ZMYM4: variants seen among roughly 807,000 people sequenced by gnomAD.
The protein encoded by ZMYM4 is zinc finger MYM-type containing 4, also known as zinc finger MYM-type protein 4.
In ZMYM4, 31 loss-of-function variants were observed where a neutral mutation model predicts 183.2. The ratio of observed to expected loss-of-function variants is 0.17; its 90% CI spans 0.13 to 0.23. The LOEUF is 0.23. Among genes scored for constraint, ZMYM4 ranks in the 10% least tolerant of loss-of-function variants. The pLI is 1.00. For synonymous variants in ZMYM4, 592 were observed against 631.2 expected, an observed-to-expected ratio of 0.94 and a Z score of 0.93; for missense variants, 1,273 against 1,840.3, an observed-to-expected ratio of 0.69 and a Z score of 5.64.
chr1:35,388,138 C>T (rs925651647), intron 13 of ZMYM4, among the ~76,000 whole-genome samples: 1 of 152,084 alleles, frequency 6.6e-6, no homozygotes, highest in African/African-American at 2.4e-5. Context: ...TTGATAACAC[C>T]AAAGAAGAAA....
intron 26 of ZMYM4, 78 bp from the exon 27 acceptor site, chr1:35,413,894 G>C (rs1039492788): frequency 7.0e-5 from 60 of 852,290 alleles, no homozygotes; most frequent in Non-Finnish European, 9.8e-5. Context: ...AGGGTAAACT[G>C]TATTTCTTAC....
At chr1:35,386,494 C>T (rs1644581174) in intron 11 of ZMYM4, among the ~76,000 whole-genome samples, 1 of 152,122 alleles carries the variant, frequency 6.6e-6, no homozygotes, top group South Asian at 2.1e-4. Flanking sequence ...ATCACCAGAA[C>T]AGCAGGGGAG....
At chr1:35,380,140 G>A (rs185093707) in intron 7 of ZMYM4, among the ~76,000 whole-genome samples, 33 of 152,196 alleles carry the variant, frequency 2.2e-4, no homozygotes, top group Admixed American at 1.4e-3. Context: ...ATAAAACAAG[G>A]TATGCCTATA....
At chr1:35,304,187 G>C (rs188607284) in intron 1 of ZMYM4, among the ~76,000 whole-genome samples, 106 of 152,128 alleles carry the variant, frequency 7.0e-4, no homozygotes, top group African/African-American at 2.1e-3. Context: ...AGCACACTCG[G>C]CTAATTTTTT....
chr1:35,312,321 AGTCT>A (rs2148785964), intron 1 of ZMYM4, among the ~76,000 whole-genome samples: 1 of 152,254 alleles, frequency 6.6e-6, no homozygotes, highest in South Asian at 2.1e-4. Context: ...TCTGCTCTGC[AGTCT>A]TTCTCCTCTG....
rs556692706 is a variant in ZMYM4, at chr1:35,321,558, T to C, written c.40-3802T>C. Among the ~76,000 whole-genome samples, 3 of 151,528 alleles carry C rather than the reference T, an allele frequency of 2.0e-5. No homozygotes were observed. In the South Asian group the frequency reaches 6.3e-4, roughly 32 times the overall value. The stretch of plus-strand genomic sequence containing the variant: ...GGAGAGTCTTATATATCCACAGAAG[T>C]TTGGACATTTTTCTTGGGAGACTTT... On this transcript the variant is annotated intron_variant, in intron 1 of 29. Transcript: ENST00000314607.
intron 1 of ZMYM4, among the ~76,000 whole-genome samples, chr1:35,279,232 C>G (rs2148679984): frequency 6.6e-6 from 1 of 152,284 alleles, no homozygotes; most frequent in African/African-American, 2.4e-5. Flanking sequence ...CTATAAAATC[C>G]CAGAAGTAAG....
intron 13 of ZMYM4, among the ~76,000 whole-genome samples, chr1:35,388,497 G>A (rs1210055890): frequency 6.6e-6 from 1 of 151,290 alleles, no homozygotes; most frequent in Non-Finnish European, 1.5e-5. Context: ...GAGCCACTAC[G>A]CCCAGCCCCA....
chr1:35,302,200 C>CTTTTTTTTTTTT lies in ZMYM4; in HGVS notation c.40-23146_40-23135dup, dbSNP rs576277396. ...ATCCACAAGCTAAAAACGGCTCTTG[C>CTTTTTTTTTTTT]TTTTTTTTTTTTTTTTTTTTTTTTT... On this transcript the variant is annotated intron_variant, in intron 1 of 29. Transcript: ENST00000314607. Among the ~76,000 whole-genome samples, 20 of 58,548 alleles carry CTTTTTTTTTTTT rather than the reference C, an allele frequency of 3.4e-4. 1 individual carries two copies. Among genetic ancestry groups the CTTTTTTTTTTTT allele is most frequent in the African/African-American group, 1.2e-3 (19 of 15,522 alleles). The allele number at this position is 58,548 out of a possible 152,430, so 38.4% of individuals were successfully genotyped here. A position where few individuals can be genotyped will look rare whatever the true frequency, so the allele number is the denominator to read the frequency against.
At chr1:35,325,235 T>G in intron 1 of ZMYM4, 125 bp from the exon 2 acceptor site, 1 of 770,430 alleles carries the variant, frequency 1.3e-6, no homozygotes. Flanking sequence ...ATGTTTTTGT[T>G]TATATTGTGC....
intron 8 of ZMYM4, 38 bp from the exon 9 acceptor site, chr1:35,381,508 T>C (rs766226734): frequency 6.2e-7 from 1 of 1,613,318 alleles, no homozygotes; most frequent in Non-Finnish European, 8.5e-7. Context: ...TGATGCTCTC[T>C]GCTCCTTGTT....
chr1:35,346,650 C>CAAAA (rs746472685), intron 2 of ZMYM4, among the ~76,000 whole-genome samples: 7 of 54,136 alleles, frequency 1.3e-4, no homozygotes, highest in Non-Finnish European at 2.1e-4. Context: ...GACTCCATCT[C>CAAAA]AAAAAAAAAA....
intron 1 of ZMYM4, among the ~76,000 whole-genome samples, chr1:35,291,845 G>A (rs939635806): frequency 2.6e-5 from 4 of 151,936 alleles, no homozygotes; most frequent in African/African-American, 9.7e-5. Flanking sequence ...ACCATGTGTT[G>A]GCCAGGCTGG....
At chr1:35,375,546 G>A (rs1385312514) in intron 7 of ZMYM4, among the ~76,000 whole-genome samples, 5 of 152,336 alleles carry the variant, frequency 3.3e-5, no homozygotes, top group African/African-American at 9.6e-5. Context: ...TGAACAGGCA[G>A]AGATGGAAAA....
chr1:35,303,579 G>T (rs1214536980), intron 1 of ZMYM4, among the ~76,000 whole-genome samples: 1 of 151,872 alleles, frequency 6.6e-6, no homozygotes, highest in Non-Finnish European at 1.5e-5. Context: ...CTAATGTTTG[G>T]ATTTTTAGTA....
chr1:35,418,590 T>C lies in ZMYM4; in HGVS notation c.4439+18T>C, dbSNP rs1319105151. ...TCAAAATGGTAATCTTTCTCTGAACTGAATGTAGTGCACTCAGAAGGCAGT... is the reference window on the plus strand; with the variant it reads ...TCAAAATGGTAATCTTTCTCTGAACCGAATGTAGTGCACTCAGAAGGCAGT... On this transcript the variant is annotated intron_variant, in intron 29 of 29. Transcript: ENST00000314607. The C allele has an allele frequency of 6.2e-7, 1 of 1,613,416 alleles. No homozygotes were observed. The highest frequency in any genetic ancestry group is 8.5e-7 in the Non-Finnish European group (1 of 1,179,742).
At chr1:35,322,093 G>A (rs1481988698) in intron 1 of ZMYM4, among the ~76,000 whole-genome samples, 4 of 152,054 alleles carry the variant, frequency 2.6e-5, no homozygotes, top group Admixed American at 6.6e-5. Context: ...TTAAAAACAG[G>A]GACATTTCTA....
chr1:35,344,478 T>A (rs983279970), intron 2 of ZMYM4, among the ~76,000 whole-genome samples: 1 of 152,168 alleles, frequency 6.6e-6, no homozygotes, highest in Non-Finnish European at 1.5e-5. Flanking sequence ...TGTTGATTTT[T>A]TTTTTTATAG....
At position 35,405,192 on chromosome 1, in the gene ZMYM4, G is replaced by C; in HGVS notation, c.3698G>C (p.Gly1233Ala). Residue 1233 changes from glycine to alanine, a missense_variant and splice_region_variant, in exon 24 of 30, where the codon GGA (glycine) becomes GCA (alanine). Gly to Ala is a moderately conservative substitution (Grantham distance 60). Transcript: ENST00000314607. ...AKEEQGDLKC[G>A]GVEQASSSPR... Reference sequence around the variant, plus strand: ...GAAGAGCAGGGGGATCTAAAATGTGGAGGTAAGTGCACAGCATGAATTGTA... The same window carrying C: ...GAAGAGCAGGGGGATCTAAAATGTGCAGGTAAGTGCACAGCATGAATTGTA... 6.2e-7 allele frequency: 1 copy of C among 1,613,920 alleles called. No homozygotes were observed. Among genetic ancestry groups the C allele is most frequent in the Middle Eastern group, 1.6e-4 (1 of 6,062 alleles).
Sources: gnomAD v4.1 joint callset for allele counts (sites outside exome capture counted in the v4.1 genomes callset) on GRCh38, gnomAD v4.1.1 for gene constraint, MANE v1.5 for transcripts, NCBI Gene and HGNC (gene_info 2026-07-23, HGNC 2026-07-21) for gene names.